ZNF695: variants seen among roughly 807,000 people sequenced by gnomAD.
The protein encoded by ZNF695 is zinc finger protein SBZF3.
Under a neutral mutation model 11.2 loss-of-function variants are expected in ZNF695, and 11 were observed. The ratio of observed to expected loss-of-function variants is 0.98; its 90% CI spans 0.62 to 1.62. The LOEUF (loss-of-function observed/expected upper bound fraction) is 1.62, where lower values mean the gene tolerates loss of function less well. Ranked by LOEUF, ZNF695 falls within the 40% of genes most tolerant of loss-of-function variation. ZNF695 has a pLI of 0.00. For synonymous variants in ZNF695, 190 were observed against 201.4 expected (o/e 0.94, Z 0.48); for missense variants, 559 against 590.5 (o/e 0.95, Z 0.55).
intron 5 of ZNF695, among the ~76,000 whole-genome samples, chr1:246,958,183 C>G (rs536205569): frequency 3.3e-5 from 5 of 151,932 alleles, no homozygotes; most frequent in African/African-American, 9.7e-5. Flanking sequence ...CTCAGCCTCC[C>G]GAGTACCTGG....
chr1:246,945,793 G>A (rs1479276886), exon 6 of ZNF695: 1 of 1,550,268 alleles, frequency 6.5e-7, no homozygotes, highest in Admixed American at 2.0e-5. Context: ...CCTCCGCAGG[G>A]TCTTCAAAGC....
chr1:246,945,752 G>A (rs1337760770), exon 6 of ZNF695: 4 of 1,549,932 alleles, frequency 2.6e-6, no homozygotes, highest in South Asian at 2.4e-5. Flanking sequence ...GGAGCAGGGA[G>A]TCCAGGCACT....
Position 246,957,187 on chromosome 1 carries a change from C to G in ZNF695, c.488+10508G>C, listed in dbSNP as rs139630906. Among the ~76,000 whole-genome samples the G allele has an allele frequency of 7.3e-3, 1,109 of 152,216 alleles. 18 individuals are homozygous for G. Among genetic ancestry groups the G allele is most frequent in the African/African-American group, 0.025 (1,051 of 41,530 alleles). ...CATGAGGTCAAGAGATGGAGACCAT[C>G]CTGGCCAACATGGTGAAACCCCGTC... On this transcript the variant is annotated intron_variant, in intron 5 of 5. Coordinates refer to the ZNF695 transcript ENST00000487338.
At chr1:247,006,480 G>A (rs952873017) in intron 1 of ZNF695, among the ~76,000 whole-genome samples, 1 of 151,886 alleles carries the variant, frequency 6.6e-6, no homozygotes, top group African/African-American at 2.4e-5. Context: ...GCATGGTGGC[G>A]CCTGCCTGTA....
chr1:246,958,499 C>G (rs1370189084), intron 5 of ZNF695, among the ~76,000 whole-genome samples: 1 of 152,280 alleles, frequency 6.6e-6, no homozygotes, highest in African/African-American at 2.4e-5. Context: ...TAGAACTCAG[C>G]CATCACATAG....
At chr1:246,973,261 C>T (rs868419164) in intron 4 of ZNF695, among the ~76,000 whole-genome samples, 3 of 152,064 alleles carry the variant, frequency 2.0e-5, no homozygotes, top group Non-Finnish European at 4.4e-5. Context: ...GTCAGTCAGG[C>T]TGGTCTCGAA....
At chr1:246,993,304 G>A (rs1303320476) in intron 3 of ZNF695, among the ~76,000 whole-genome samples, 3 of 152,138 alleles carry the variant, frequency 2.0e-5, no homozygotes, top group Admixed American at 2.0e-4. Context: ...CTACTTGGGA[G>A]GCTAAGGCAG....
intron 4 of ZNF695, among the ~76,000 whole-genome samples, chr1:246,973,397 T>C (rs1432852179): frequency 6.6e-6 from 1 of 152,220 alleles, no homozygotes; most frequent in Non-Finnish European, 1.5e-5. Context: ...ACTTAGAATC[T>C]ATGGTTCCAA....
At position 246,986,101 on chromosome 1, in the gene ZNF695, G is replaced by T. The variant is rs1232863457; in HGVS notation, c.*866C>A. ...ATTATTATTATTGAGAAAGGGTCTT[G>T]CTCTGTTGCCCAGGCAGGAGTGAAG... is the stretch of plus-strand genomic sequence containing the variant. On this transcript the variant is annotated 3_prime_UTR_variant, in exon 4 of 4. Coordinates refer to ENST00000339986, the MANE Select transcript of ZNF695 (RefSeq NM_020394.5). 2 of 942,940 alleles carry T rather than the reference G, an allele frequency of 2.1e-6. No homozygotes were observed. The highest frequency in any genetic ancestry group is 2.5e-6 in the Non-Finnish European group (2 of 791,196). The allele number at this position is 942,940 out of a possible 1,614,324, so 58.4% of individuals were successfully genotyped here. A position where few individuals can be genotyped will look rare whatever the true frequency, so the allele number is the denominator to read the frequency against.
At chr1:247,001,417 A>C in intron 1 of ZNF695, among the ~76,000 whole-genome samples, 1 of 151,818 alleles carries the variant, frequency 6.6e-6, no homozygotes, top group East Asian at 1.9e-4. Flanking sequence ...AAAAAAAAGA[A>C]AGAAAGAAAA....
chr1:246,991,621 A>G (rs1669035564), intron 3 of ZNF695, among the ~76,000 whole-genome samples: 1 of 152,210 alleles, frequency 6.6e-6, no homozygotes, highest in African/African-American at 2.4e-5. Context: ...AAGCCAGGCA[A>G]TAACAAATGC....
chr1:246,962,852 C>G (rs944800272), intron 5 of ZNF695, among the ~76,000 whole-genome samples: 1 of 152,112 alleles, frequency 6.6e-6, no homozygotes, highest in Non-Finnish European at 1.5e-5. Flanking sequence ...GCCACCACGC[C>G]CGGCTAATTT....
chr1:246,971,136 C>T (rs1240472600), intron 4 of ZNF695, among the ~76,000 whole-genome samples: 1 of 152,136 alleles, frequency 6.6e-6, no homozygotes, highest in Non-Finnish European at 1.5e-5. Flanking sequence ...GGAGTGTGAG[C>T]CATCTCCAAT....
intron 4 of ZNF695, among the ~76,000 whole-genome samples, chr1:246,977,437 T>C (rs944583133): frequency 1.1e-4 from 17 of 152,212 alleles, no homozygotes; most frequent in Admixed American, 6.5e-5. Flanking sequence ...TTGTTGTTTT[T>C]AGTAGAGGCG....
rs1432458166 is a variant in ZNF695 at position 247,008,022 on chromosome 1, G to A, written c.-114C>T. ...GGGACTCTCCGAGAGGCAGCAGACG[G>A]GAACCCAGCACCCCGCCGGCCGCAA... On this transcript the variant is annotated 5_prime_UTR_variant, in exon 1 of 4. Coordinates refer to ENST00000339986, the MANE Select transcript of ZNF695 (RefSeq NM_020394.5). 3.2e-6 allele frequency: 4 copies of A among 1,236,574 alleles called. No individual in the cohort carries two copies. The highest frequency in any genetic ancestry group is 2.8e-5 in the East Asian group (1 of 35,324). 76.6% of individuals were successfully genotyped at this position (1,236,574 alleles called of 1,614,324 possible). A position where few individuals can be genotyped will look rare whatever the true frequency, so the allele number is the denominator to read the frequency against.
chr1:246,969,900 A>T (rs1283817629), intron 4 of ZNF695, among the ~76,000 whole-genome samples: 2 of 152,176 alleles, frequency 1.3e-5, no homozygotes, highest in Non-Finnish European at 2.9e-5. Flanking sequence ...AGCAAGGGAG[A>T]AGTCCACCCC....
At chr1:246,982,288 A>AT (rs35550647), downstream of ZNF695, among the ~76,000 whole-genome samples, 1 of 150,920 alleles carries the variant, frequency 6.6e-6, no homozygotes, top group African/African-American at 2.5e-5. Flanking sequence ...AAAAAAAAAA[A>AT]GATTATTTCA....
At chr1:246,977,837 T>C (rs964166509) in intron 4 of ZNF695, among the ~76,000 whole-genome samples, 6 of 152,190 alleles carry the variant, frequency 3.9e-5, no homozygotes, top group African/African-American at 7.2e-5. Context: ...TTCTTTCCAT[T>C]TCCTGTCTCT....
Position 246,986,756 on chromosome 1 carries a change from A to AGG in ZNF695, c.*210_*211insCC. The stretch of plus-strand genomic sequence containing the variant: ...AGTATAAATTCTTCTGTGTACAGTA[A>AGG]GAGCTGTGATATAAGTGGAGGTGTT... On this transcript the variant is annotated 3_prime_UTR_variant, in exon 4 of 4. Transcript: ENST00000339986. 1.5e-6 allele frequency: 2 copies of AGG among 1,292,196 alleles called. No individual in the cohort carries two copies. The highest frequency in any genetic ancestry group is 5.5e-5 in the South Asian group (2 of 36,178). The allele number at this position is 1,292,196 out of a possible 1,614,324, so 80.0% of individuals were successfully genotyped here. A position where few individuals can be genotyped will look rare whatever the true frequency, so the allele number is the denominator to read the frequency against.
Sources: gnomAD v4.1 joint callset for allele counts (sites outside exome capture counted in the v4.1 genomes callset) on GRCh38, gnomAD v4.1.1 for gene constraint, MANE v1.5 for transcripts, NCBI Gene and HGNC (gene_info 2026-07-23, HGNC 2026-07-21) for gene names.